KLHL32: variants seen among roughly 807,000 people sequenced by gnomAD.
KLHL32 encodes the protein kelch-like protein 32.
Under a neutral mutation model 64.8 loss-of-function variants are expected in KLHL32, and 35 were observed. That is an observed-to-expected ratio of 0.54 (90% CI 0.41 to 0.72). The LOEUF (loss-of-function observed/expected upper bound fraction) is 0.72, where lower values mean the gene tolerates loss of function less well. KLHL32 is among the 30% of genes least tolerant of loss of function. KLHL32 has a pLI of 0.00. For missense variants in KLHL32, 589 were observed against 768.5 expected (o/e 0.77, Z 2.76); for synonymous variants, 259 against 281.0 (o/e 0.92, Z 0.78).
chr6:97,096,075 ATTTT>A (rs1410689849), intron 6 of KLHL32, among the ~76,000 whole-genome samples: 6 of 152,124 alleles, frequency 3.9e-5, no homozygotes, highest in Admixed American at 3.3e-4. Context: ...CAAGACTGTT[ATTTT>A]ATAGGTCTTC....
chr6:97,003,922 G>C (rs1485990743), intron 3 of KLHL32, among the ~76,000 whole-genome samples: 1 of 152,128 alleles, frequency 6.6e-6, no homozygotes, highest in Admixed American at 6.6e-5. Context: ...GTTAGTTAAT[G>C]TGAGGCTTCC....
At chr6:97,093,279 A>G (rs1405007658) in intron 6 of KLHL32, among the ~76,000 whole-genome samples, 1 of 152,228 alleles carries the variant, frequency 6.6e-6, no homozygotes, top group Admixed American at 6.5e-5. Context: ...ATAATTCTTT[A>G]CAAGCCTAGA....
the KLHL32 span, among the ~76,000 whole-genome samples, chr6:96,901,597 G>C: frequency 6.6e-6 from 1 of 152,164 alleles, no homozygotes; most frequent in African/African-American, 2.4e-5. Flanking sequence ...GGGATTAAGA[G>C]ACATTTTTGG....
At chr6:97,040,959 T>C (rs116064791) in intron 3 of KLHL32, among the ~76,000 whole-genome samples, 4,574 of 152,296 alleles carry the variant, frequency 0.03, 201 homozygotes, top group African/African-American at 0.1. Flanking sequence ...GCCTCCCCAG[T>C]CATTCTGAAC....
upstream of KLHL32, among the ~76,000 whole-genome samples, chr6:96,921,868 T>C (rs1768764511): frequency 6.6e-6 from 1 of 152,134 alleles, no homozygotes; most frequent in African/African-American, 2.4e-5. Flanking sequence ...GACAAGCTGA[T>C]GATAGATGAA....
intron 6 of KLHL32, among the ~76,000 whole-genome samples, chr6:97,088,004 C>A (rs565879744): frequency 6.4e-4 from 98 of 152,188 alleles, no homozygotes; most frequent in African/African-American, 2.3e-3. Context: ...TTTTTTCCAT[C>A]TGACCTTTCT....
intron 10 of KLHL32, among the ~76,000 whole-genome samples, chr6:97,137,465 TC>T (rs1314469914): frequency 1.3e-5 from 2 of 152,194 alleles, no homozygotes; most frequent in Non-Finnish European, 1.5e-5. Flanking sequence ...AGTAATTTCC[TC>T]CTTTGTGAAA....
chr6:96,994,946 C>G (rs1309736165), intron 3 of KLHL32, among the ~76,000 whole-genome samples: 1 of 152,186 alleles, frequency 6.6e-6, no homozygotes, highest in African/African-American at 2.4e-5. Flanking sequence ...GTTCTGTTCA[C>G]CATTGTTTCC....
intron 6 of KLHL32, among the ~76,000 whole-genome samples, chr6:97,102,467 C>T (rs1285270782): frequency 6.6e-6 from 1 of 152,072 alleles, no homozygotes; most frequent in Non-Finnish European, 1.5e-5. Flanking sequence ...TCAGTGACCA[C>T]ATGCAAAGTT....
At chr6:97,123,266 T>A (rs1435959396) in intron 7 of KLHL32, among the ~76,000 whole-genome samples, 1 of 152,230 alleles carries the variant, frequency 6.6e-6, no homozygotes, top group East Asian at 1.9e-4. Flanking sequence ...TGAGAGTCAG[T>A]GATCTCAGTA....
At chr6:97,093,661 G>A (rs547737769) in intron 6 of KLHL32, among the ~76,000 whole-genome samples, 6 of 151,052 alleles carry the variant, frequency 4.0e-5, no homozygotes, top group Non-Finnish European at 7.4e-5. Flanking sequence ...CAATAAAGTC[G>A]TACAGGAAAG....
intron 3 of KLHL32, among the ~76,000 whole-genome samples, chr6:96,986,724 C>T (rs1777141516): frequency 6.6e-6 from 1 of 152,218 alleles, no homozygotes; most frequent in Non-Finnish European, 1.5e-5. Context: ...GTTGGAAAAG[C>T]ACAGTATTAG....
the KLHL32 span, among the ~76,000 whole-genome samples, chr6:96,898,992 GAATAAT>G: frequency 1.3e-5 from 2 of 151,976 alleles, no homozygotes; most frequent in South Asian, 2.1e-4. Context: ...TAATCGAATA[GAATAAT>G]AATAATAAAA....
intron 5 of KLHL32, among the ~76,000 whole-genome samples, 165 bp from the exon 6 acceptor site, chr6:97,084,961 A>C (rs1562319405): frequency 6.6e-6 from 1 of 152,064 alleles, no homozygotes; most frequent in South Asian, 2.1e-4. Flanking sequence ...GCTGTTCTCT[A>C]TGCAGAACTT....
At chr6:96,915,691 A>G in the KLHL32 span, among the ~76,000 whole-genome samples, 1 of 152,166 alleles carries the variant, frequency 6.6e-6, no homozygotes, top group African/African-American at 2.4e-5. Context: ...ATAGAATTTT[A>G]TTAAGAGTGA....
At chr6:96,949,501 T>G (rs989493981) in intron 1 of KLHL32, among the ~76,000 whole-genome samples, 1 of 152,200 alleles carries the variant, frequency 6.6e-6, no homozygotes, top group African/African-American at 2.4e-5. Flanking sequence ...CATCTTTTTG[T>G]GTAATGTTGA....
chr6:97,093,830 A>C (rs1275520872), intron 6 of KLHL32, among the ~76,000 whole-genome samples: 1 of 152,206 alleles, frequency 6.6e-6, no homozygotes, highest in Non-Finnish European at 1.5e-5. Flanking sequence ...GAAAGCCGAT[A>C]AGGGAGGATC....
intron 4 of KLHL32, among the ~76,000 whole-genome samples, chr6:97,043,424 G>A (rs1003177944): frequency 1.3e-5 from 2 of 149,580 alleles, no homozygotes; most frequent in African/African-American, 5.0e-5. Context: ...CTAAATAGCA[G>A]TATGTTGTGT....
chr6:97,113,073 GT>G (rs747283257), intron 6 of KLHL32, among the ~76,000 whole-genome samples: 6 of 145,404 alleles, frequency 4.1e-5, no homozygotes, highest in Admixed American at 6.8e-5. Context: ...TCTATATTCT[GT>G]TTTTGTGCAA....
Sources: gnomAD v4.1 joint callset for allele counts (sites outside exome capture counted in the v4.1 genomes callset) on GRCh38, gnomAD v4.1.1 for gene constraint, MANE v1.5 for transcripts, NCBI Gene and HGNC (gene_info 2026-07-23, HGNC 2026-07-21) for gene names.